OXTR: variants seen among roughly 807,000 people sequenced by gnomAD.
The protein encoded by OXTR is oxytocin receptor.
OXTR carries 19 observed loss-of-function variants against 23.9 expected under a neutral mutation model. The ratio of observed to expected loss-of-function variants is 0.80; its 90% CI spans 0.56 to 1.17. OXTR has a LOEUF of 1.17. OXTR is among the 50% of genes most tolerant of loss of function. The pLI is 0.00. For missense variants in OXTR, 500 were observed against 550.7 expected, an observed-to-expected ratio of 0.91 and a Z score of 0.92; for synonymous variants, 278 against 250.5, an observed-to-expected ratio of 1.11 and a Z score of -1.04.
At position 8,753,110 on chromosome 3, in the gene OXTR, C is replaced by G; in HGVS notation, c.1037G>C (p.Cys346Ser). The change falls in exon 4 of 4, where the codon TGC becomes TCC. Residue 346 changes from cysteine to serine, a missense_variant. Physicochemically the swap from Cys to Ser is moderately radical, Grantham distance 112. Coordinates refer to ENST00000316793, the MANE Select transcript of OXTR (RefSeq NM_000916.4). The stretch of plus-strand genomic sequence containing the variant: ...GCCCTTCAGGTAGCTGGCGGAGCAG[C>G]ACAGGAAGCGCTGCACGAGTTCGTG... The part of the protein sequence containing the change: ...LFHELVQRFL[C>S]CSASYLKGRR... The G allele has an allele frequency of 6.2e-7, 1 of 1,614,108 alleles. No homozygotes were observed. Among genetic ancestry groups the G allele is most frequent in the Non-Finnish European group, 8.5e-7 (1 of 1,180,026 alleles).
At chr3:8,749,836 G>A (rs112730687), downstream of OXTR, among the ~76,000 whole-genome samples, 4 of 152,252 alleles carry the variant, frequency 2.6e-5, no homozygotes, top group African/African-American at 4.8e-5. Context: ...GTGTGTATGC[G>A]CGTGTGTGTG....
chr3:8,755,572 C>T (rs1708353705), intron 3 of OXTR, among the ~76,000 whole-genome samples: 1 of 152,140 alleles, frequency 6.6e-6, no homozygotes, highest in Non-Finnish European at 1.5e-5. Flanking sequence ...CCAATCCTTC[C>T]GCCTCCAAGA....
At chr3:8,754,783 C>T (rs1483479525) in intron 3 of OXTR, among the ~76,000 whole-genome samples, 1 of 152,134 alleles carries the variant, frequency 6.6e-6, no homozygotes, top group Non-Finnish European at 1.5e-5. Flanking sequence ...AGGTAGGGCT[C>T]AGGAATGTTG....
In OXTR at chr3:8,766,689, T is replaced by C. The variant is rs148083085; in HGVS notation, c.922+577A>G. ...ATTTGTCTTCACCTCTCCCTTGGAC[T>C]CCTCTGCCCCCCAACACCCCCTTCA... On this transcript the variant is annotated intron_variant, in intron 3 of 3. Coordinates refer to ENST00000316793, the MANE Select transcript of OXTR (RefSeq NM_000916.4). Among the ~76,000 whole-genome samples, 787 of 152,092 alleles carry C rather than the reference T, an allele frequency of 5.2e-3. 7 individuals carry two copies. The highest frequency in any genetic ancestry group is 0.018 in the African/African-American group (746 of 41,442).
At chr3:8,755,463 T>C (rs921084647) in intron 3 of OXTR, among the ~76,000 whole-genome samples, 1 of 152,268 alleles carries the variant, frequency 6.6e-6, no homozygotes, top group African/African-American at 2.4e-5. Flanking sequence ...TCTCACTCTT[T>C]ACTCTTTGGA....
chr3:8,743,618 G>A, the OXTR span, among the ~76,000 whole-genome samples: 1 of 152,174 alleles, frequency 6.6e-6, no homozygotes, highest in Non-Finnish European at 1.5e-5. Flanking sequence ...GTCTCACCCT[G>A]TAAACTGTGC....
rs112439236 is a variant in OXTR, at chr3:8,755,279, C to T, written c.923-2055G>A. 8.6e-5 allele frequency among the ~76,000 whole-genome samples: 13 copies of T among 151,298 alleles called. No homozygotes were observed. In the South Asian group the frequency reaches 1.0e-3, roughly 12 times the overall value. On this transcript the variant is annotated intron_variant, in intron 3 of 3. Transcript: ENST00000316793. Reference sequence around the variant, plus strand: ...AAATAATGAAAGAGGCAAAAATCAACGTGCAAAAGTCAATATTTACAACCT... The same window carrying T: ...AAATAATGAAAGAGGCAAAAATCAATGTGCAAAAGTCAATATTTACAACCT...
chr3:8,745,779 T>A, downstream of OXTR: 1 of 1,614,032 alleles, frequency 6.2e-7, no homozygotes, highest in Non-Finnish European at 8.5e-7. The surrounding 1 kb of genome is among the most constrained non-coding windows in gnomAD (Gnocchi z 4.8). Context: ...ATCTACTCAC[T>A]CTGCATCCGC....
At chr3:8,756,238 C>G (rs1446028420) in intron 3 of OXTR, among the ~76,000 whole-genome samples, 1 of 152,184 alleles carries the variant, frequency 6.6e-6, no homozygotes. Context: ...CACAATGTTA[C>G]TTCCATGTGA....
At chr3:8,763,829 A>T (rs1471269614) in intron 3 of OXTR, among the ~76,000 whole-genome samples, 2 of 152,156 alleles carry the variant, frequency 1.3e-5, no homozygotes, top group Non-Finnish European at 2.9e-5. Flanking sequence ...TTCTTATAAC[A>T]ACTAACCAGG....
In OXTR at chr3:8,768,410, G is replaced by C; in HGVS notation, c.-142-81C>G. 1.5e-6 allele frequency: 1 copy of C among 655,708 alleles called. No individual in the cohort carries two copies. The highest frequency in any genetic ancestry group is 2.1e-6 in the Non-Finnish European group (1 of 472,662). The allele number at this position is 655,708 out of a possible 1,614,324, so 40.6% of individuals were successfully genotyped here. On this transcript the variant is annotated intron_variant, in intron 2 of 3. Transcript: ENST00000316793. The surrounding 1 kb of genome is among the most constrained non-coding windows in gnomAD (Gnocchi z 5.4). ...GTAGGGCGTGCTTGTCCCATTCCCAGGAACCCAACTCATCTGAAACAACAG... is the reference window on the plus strand; with the variant it reads ...GTAGGGCGTGCTTGTCCCATTCCCACGAACCCAACTCATCTGAAACAACAG...
chr3:8,745,443 T>C, downstream of OXTR: 3 of 1,060,818 alleles, frequency 2.8e-6, no homozygotes, highest in African/African-American at 1.6e-5. The surrounding 1 kb of genome is among the most constrained non-coding windows in gnomAD (Gnocchi z 4.8). Context: ...TCTAGGGGAT[T>C]CTGACACATG....
At chr3:8,761,523 T>A (rs1015365064) in intron 3 of OXTR, among the ~76,000 whole-genome samples, 3 of 152,030 alleles carry the variant, frequency 2.0e-5, no homozygotes, top group Non-Finnish European at 4.4e-5. Context: ...GGGGTCGTCA[T>A]GCAGTGTGTC....
rs901636763 is a variant in OXTR, at chr3:8,751,768, C to A, written c.*1209G>T. ...AACCAGTAACACACTGAGCTGATTA[C>A]CTTTATCGTAAATTATGAAATCAGG... is the stretch of plus-strand genomic sequence containing the variant. On this transcript the variant is annotated 3_prime_UTR_variant, in exon 4 of 4. Transcript: ENST00000316793. 1.3e-5 allele frequency: 2 copies of A among 152,134 alleles called. No individual in the cohort carries two copies. The highest frequency in any genetic ancestry group is 6.5e-5 in the Admixed American group (1 of 15,274). 9.4% of individuals were successfully genotyped at this position (152,134 alleles called of 1,614,324 possible).
At chr3:8,741,272 A>G in the OXTR span, among the ~76,000 whole-genome samples, 1 of 152,270 alleles carries the variant, frequency 6.6e-6, no homozygotes, top group Admixed American at 6.5e-5. Context: ...ACAGCCGTAC[A>G]GTTACAAGCA....
chr3:8,745,720 G>A, downstream of OXTR: 1 of 1,614,158 alleles, frequency 6.2e-7, no homozygotes, highest in Non-Finnish European at 8.5e-7. This position sits in a 1 kb window ranked among gnomAD's most constrained non-coding sequence, Gnocchi z 4.8. Context: ...TCTGGGCGGT[G>A]GTGCCATGCA....
At chr3:8,766,639 C>T (rs763300418) in intron 3 of OXTR, among the ~76,000 whole-genome samples, 4 of 152,192 alleles carry the variant, frequency 2.6e-5, no homozygotes, top group Non-Finnish European at 4.4e-5. Context: ...AGACTCATCA[C>T]CTCCACTCGA....
At chr3:8,764,394 G>A (rs963822923) in intron 3 of OXTR, among the ~76,000 whole-genome samples, 1 of 152,194 alleles carries the variant, frequency 6.6e-6, no homozygotes, top group East Asian at 1.9e-4. Context: ...GTGGAGTAAG[G>A]GGCCCTGGTC....
intron 3 of OXTR, among the ~76,000 whole-genome samples, chr3:8,753,705 A>C (rs1708317943): frequency 6.6e-6 from 1 of 152,212 alleles, no homozygotes; most frequent in East Asian, 1.9e-4. Flanking sequence ...TTAAATGGGC[A>C]TAAGGAGAGT....
Sources: gnomAD v4.1 joint callset for allele counts (sites outside exome capture counted in the v4.1 genomes callset) on GRCh38, gnomAD v4.1.1 for gene constraint, Gnocchi (gnomAD v3.1) non-coding constraint, MANE v1.5 for transcripts, NCBI Gene and HGNC (gene_info 2026-07-23, HGNC 2026-07-21) for gene names.